The following USP36 variants were observed in gnomAD, a reference collection of about 807,000 sequenced individuals.
USP36 encodes ubiquitin carboxyl-terminal hydrolase 36.
USP36 carries 59 observed loss-of-function variants against 111.5 expected under a neutral mutation model. The observed-to-expected ratio is 0.53, with a 90% CI of 0.43 to 0.66. USP36 has a LOEUF of 0.66. Among genes scored for constraint, USP36 ranks in the 30% least tolerant of loss-of-function variants. USP36 has a pLI of 0.00. For synonymous variants in USP36, 628 were observed against 581.0 expected (o/e 1.08, Z -1.16); for missense variants, 1,488 against 1,468.0 (o/e 1.01, Z -0.22).
downstream of USP36, among the ~76,000 whole-genome samples, chr17:78,794,008 T>C (rs1050264777): frequency 3.9e-5 from 6 of 152,206 alleles, no homozygotes; most frequent in African/African-American, 1.4e-4. Context: ...CCCTGGCTAC[T>C]ACTTGGCCTC....
In USP36 at chr17:78,807,002, A is replaced by G. The variant is rs763096581; in HGVS notation, c.2042T>C (p.Met681Thr). The change falls in exon 14 of 21, where the codon ATG (methionine) becomes ACG (threonine). Residue 681 changes from methionine to threonine, a missense_variant. Coordinates refer to ENST00000449938, the MANE Select transcript of USP36 (RefSeq NM_001385174.1). ...SNTTTEPAST[M>T]SPPPAKKLAL... Reference sequence around the variant, plus strand: ...CAGTTTTTTGGCTGGTGGAGGAGACATGGTGCTTGCAGGCTCAGTGGTGGT... The same window carrying G: ...CAGTTTTTTGGCTGGTGGAGGAGACGTGGTGCTTGCAGGCTCAGTGGTGGT... The G allele has an allele frequency of 2.5e-6, 4 of 1,614,228 alleles. No homozygotes were observed. The highest frequency in any genetic ancestry group is 1.3e-5 in the African/African-American group (1 of 75,064).
chr17:78,825,617 C>T (rs6501253), intron 6 of USP36, among the ~76,000 whole-genome samples: 8,608 of 152,214 alleles, frequency 0.057, 774 homozygotes, highest in African/African-American at 0.19. Flanking sequence ...TCCCATCTCA[C>T]AGCCCCAAAT....
chr17:78,800,811 C>G (rs1449579696), intron 17 of USP36, among the ~76,000 whole-genome samples: 1 of 152,172 alleles, frequency 6.6e-6, no homozygotes, highest in Non-Finnish European at 1.5e-5. Flanking sequence ...CCAGGGAGCC[C>G]CGAGGGCCCA....
At chr17:78,819,084 C>A in intron 9 of USP36, 1 of 218,584 alleles carries the variant, frequency 4.6e-6, no homozygotes. Context: ...CAGGAAAGAG[C>A]AAATTAAAGC....
intron 13 of USP36, among the ~76,000 whole-genome samples, chr17:78,808,132 C>T (rs7212126): frequency 0.031 from 4,770 of 152,294 alleles, 246 homozygotes; most frequent in African/African-American, 0.11. Context: ...CATGCATTAA[C>T]ATTCTAGTGC....
At chr17:78,839,900 G>A (rs557787020) in intron 1 of USP36, among the ~76,000 whole-genome samples, 60 of 152,292 alleles carry the variant, frequency 3.9e-4, no homozygotes, top group African/African-American at 1.4e-3. Flanking sequence ...TTCCACCTGC[G>A]CGAACCCCAG....
At chr17:78,795,606 T>C (rs1416523975), downstream of USP36, 5 of 151,624 alleles carry the variant, frequency 3.3e-5, no homozygotes, top group African/African-American at 9.7e-5. The surrounding 1 kb of genome is among the most constrained non-coding windows in gnomAD (Gnocchi z 4.5). Context: ...GGTTGGGATG[T>C]ACTTTAAAAA....
At chr17:78,790,818 G>C (rs527937362), downstream of USP36, among the ~76,000 whole-genome samples, 1 of 152,274 alleles carries the variant, frequency 6.6e-6, no homozygotes, top group South Asian at 2.1e-4. Flanking sequence ...TCTCATGATG[G>C]TAAGAAGCTA....
At position 78,803,374 on chromosome 17, in the gene USP36, C is replaced by T. The variant is rs1312871482; in HGVS notation, c.2810+11G>A. On this transcript the variant is annotated intron_variant, in intron 16 of 20. Coordinates refer to ENST00000449938, the MANE Select transcript of USP36 (RefSeq NM_001385174.1). This position sits in a 1 kb window ranked among gnomAD's most constrained non-coding sequence, Gnocchi z 4.6. ...AGAGGTAGACAGATGCCACTTTGCTCCTGCCCTTACCTGTGCCGAAGTGGG... is the reference window on the plus strand; with the variant it reads ...AGAGGTAGACAGATGCCACTTTGCTTCTGCCCTTACCTGTGCCGAAGTGGG... The T allele has an allele frequency of 3.1e-6, 5 of 1,607,328 alleles. No homozygotes were observed. In the Admixed American group the frequency reaches 5.0e-5, roughly 16 times the overall value.
intron 1 of USP36, among the ~76,000 whole-genome samples, chr17:78,839,543 A>G (rs1011370964): frequency 5.9e-5 from 9 of 152,232 alleles, no homozygotes; most frequent in Admixed American, 3.9e-4. Context: ...GTCATGCACA[A>G]CCAACGCTTG....
At chr17:78,818,605 G>A (rs1286124167) in intron 10 of USP36, 62 bp downstream of exon 10, 9 of 1,451,664 alleles carry the variant, frequency 6.2e-6, no homozygotes, top group Admixed American at 1.7e-5. Flanking sequence ...CACTTTCTTC[G>A]TGTTATTCTG....
rs753323366 is a variant in USP36, at chr17:78,821,966, T to C, written c.728A>G (p.Gln243Arg). ...RQTQATTLVHQIFGGYLRSRV... is the reference protein window; with the variant it reads ...RQTQATTLVHRIFGGYLRSRV... ...TGATCTGAGATACCCTCCAAAAATT[T>C]GATGGACCAAGGTAGTAGCCTGCGT... Residue 243 changes from glutamine (Q) to arginine (R), a missense_variant, in exon 7 of 21, where the codon CAA becomes CGA. Around this residue, in one of 3 missense-constraint regions of USP36, gnomAD observed 196 missense variants for 264.4 expected, o/e 0.74. Transcript: ENST00000449938. The C allele has an allele frequency of 5.6e-6, 9 of 1,614,128 alleles. No individual in the cohort carries two copies. Among genetic ancestry groups the C allele is most frequent in the Non-Finnish European group, 6.8e-6 (8 of 1,180,018 alleles).
chr17:78,789,197 C>CAAA (rs869247026), intron 3 of USP36, among the ~76,000 whole-genome samples: 93 of 65,808 alleles, frequency 1.4e-3, no homozygotes, highest in African/African-American at 4.1e-3. Flanking sequence ...AACTTGGTCC[C>CAAA]AAAAAAAAAA....
At chr17:78,815,598 A>G (rs1220041072) in intron 10 of USP36, among the ~76,000 whole-genome samples, 1 of 152,198 alleles carries the variant, frequency 6.6e-6, no homozygotes, top group Non-Finnish European at 1.5e-5. Flanking sequence ...TTCAGAAATA[A>G]AAGTGCTGAA....
At chr17:78,835,582 G>T in intron 3 of USP36, 81 bp from the exon 4 acceptor site, 1 of 1,346,098 alleles carries the variant, frequency 7.4e-7, no homozygotes, top group Non-Finnish European at 1.0e-6. Flanking sequence ...AACTCCTGAA[G>T]CATACACTTA....
Position 78,836,310 on chromosome 17 carries a change from C to T in USP36, c.54G>A (p.Ser18=), listed in dbSNP as rs781259744. The T allele has an allele frequency of 4.3e-6, 7 of 1,614,044 alleles. No homozygotes were observed. The highest frequency in any genetic ancestry group is 1.6e-4 in the Middle Eastern group (1 of 6,084). ...GCTTCCCCAGTTCTCCATCATCAGC[C>T]GAGTCCTTGCGGCCGGGTTTCAGGG... ...KEALKPGRKD[S]ADDGELGKLL... Residue 18 remains serine, a synonymous_variant, in exon 3 of 21, where the codon TCG becomes TCA. Coordinates refer to ENST00000449938, the MANE Select transcript of USP36 (RefSeq NM_001385174.1).
intron 6 of USP36, among the ~76,000 whole-genome samples, chr17:78,824,315 A>G (rs531423516): frequency 4.6e-5 from 7 of 152,372 alleles, no homozygotes; most frequent in African/African-American, 1.7e-4. Flanking sequence ...GAAAAGAGCT[A>G]GGAAGTAAAG....
intron 7 of USP36, among the ~76,000 whole-genome samples, chr17:78,821,620 G>A (rs1177840888): frequency 1.3e-5 from 2 of 151,522 alleles, no homozygotes; most frequent in African/African-American, 2.4e-5. Flanking sequence ...TGGAGACGGG[G>A]TTTCACCATG....
intron 7 of USP36, 61 bp downstream of exon 7, chr17:78,821,874 AGG>A (rs2094339097): frequency 1.3e-6 from 2 of 1,590,188 alleles, no homozygotes; most frequent in African/African-American, 2.7e-5. Flanking sequence ...TCCAACTCTT[AGG>A]GTTTCCTGGG....
Sources: allele counts gnomAD v4.1 joint callset (sites outside exome capture counted in the v4.1 genomes callset), GRCh38; gene constraint gnomAD v4.1.1; regional missense constraint gnomAD v4.1.1; non-coding constraint Gnocchi (gnomAD v3.1); transcripts MANE v1.5; gene names NCBI Gene and HGNC (gene_info 2026-07-23, HGNC 2026-07-21).